Variants in AXDND1 observed in about 807,000 individuals in gnomAD.
AXDND1 encodes the protein axonemal dynein light chain domain-containing protein 1.
Under a neutral mutation model 137.5 loss-of-function variants are expected in AXDND1, and 110 were observed. That is an observed-to-expected ratio of 0.80 (90% CI 0.69 to 0.94). AXDND1 has a LOEUF of 0.94. Ranked by LOEUF, AXDND1 falls within the 40% of genes least tolerant of loss-of-function variation. The probability of loss-of-function intolerance (pLI) is 0.00; values close to 1 mark genes in which losing one functional copy is unlikely to be tolerated. For synonymous variants in AXDND1, 414 were observed against 399.7 expected, an observed-to-expected ratio of 1.04 and a Z score of -0.43; for missense variants, 1,191 against 1,169.8, an observed-to-expected ratio of 1.02 and a Z score of -0.26.
intron 16 of AXDND1, chr1:179,456,833 A>G (rs1661477774): frequency 5.0e-6 from 4 of 801,180 alleles, no homozygotes; most frequent in Admixed American, 1.7e-5. Context: ...GGCCATTCAC[A>G]GTATGCTATT....
At chr1:179,394,953 T>C (rs1431699321) in intron 10 of AXDND1, 145 bp from the exon 11 acceptor site, 3 of 574,580 alleles carry the variant, frequency 5.2e-6, no homozygotes, top group Admixed American at 6.2e-5. Flanking sequence ...ACTCAATTTC[T>C]TGATTTGGTT....
intron 9 of AXDND1, among the ~76,000 whole-genome samples, chr1:179,389,477 A>G (rs1649777333): frequency 6.6e-6 from 1 of 152,092 alleles, no homozygotes. Flanking sequence ...GAAAAAGAAG[A>G]TTTGTATGTG....
In AXDND1 at chr1:179,489,148, A is replaced by AGGGGCC. The variant is rs1361088148; in HGVS notation, c.2092-2390_2092-2389insGGGGCC. 1.6e-5 allele frequency among the ~76,000 whole-genome samples: 2 copies of AGGGGCC among 125,720 alleles called. 1 individual carries two copies. Among genetic ancestry groups the AGGGGCC allele is most frequent in the African/African-American group, 7.1e-5 (2 of 28,264 alleles). The allele number at this position is 125,720 out of a possible 152,430, so 82.5% of individuals were successfully genotyped here. A position where few individuals can be genotyped will look rare whatever the true frequency, so the allele number is the denominator to read the frequency against. On this transcript the variant is annotated intron_variant, in intron 18 of 25. Coordinates refer to ENST00000367618, the MANE Select transcript of AXDND1 (RefSeq NM_144696.6). ...AAAGAAAAGCAGTCAATTCATCTTA[A>AGGGGCC]AATGTCTTTTAAGAATTTTATATAA...
chr1:179,391,866 C>T (rs1401595574), intron 9 of AXDND1, among the ~76,000 whole-genome samples: 1 of 152,062 alleles, frequency 6.6e-6, no homozygotes, highest in African/African-American at 2.4e-5. Flanking sequence ...TAAAGGGCTT[C>T]TTCCTTTTCT....
At chr1:179,477,120 T>C (rs1042802499) in intron 17 of AXDND1, among the ~76,000 whole-genome samples, 1 of 152,184 alleles carries the variant, frequency 6.6e-6, no homozygotes, top group Non-Finnish European at 1.5e-5. Flanking sequence ...AATTTACTGT[T>C]GAGCCCTAGT....
At chr1:179,411,324 A>G (rs1472255603) in intron 12 of AXDND1, 58 bp downstream of exon 12, 1 of 1,553,228 alleles carries the variant, frequency 6.4e-7, no homozygotes, top group Non-Finnish European at 8.6e-7. Context: ...TTCATTCTAC[A>G]GTTTTAAAAT....
At chr1:179,431,730 C>T (rs12743018) in intron 14 of AXDND1, among the ~76,000 whole-genome samples, 31,289 of 151,980 alleles carry the variant, frequency 0.21, 3,420 homozygotes, top group Non-Finnish European at 0.24. Context: ...CTGCTCCTGC[C>T]GTGTACCCAT....
intron 17 of AXDND1, among the ~76,000 whole-genome samples, chr1:179,471,194 C>T (rs1474698788): frequency 6.6e-6 from 1 of 152,034 alleles, no homozygotes; most frequent in Non-Finnish European, 1.5e-5. Context: ...TTTTATTTTC[C>T]TGTGATGTCT....
At chr1:179,525,684 G>A (rs573836962) in intron 22 of AXDND1, among the ~76,000 whole-genome samples, 81 of 152,044 alleles carry the variant, frequency 5.3e-4, no homozygotes, top group African/African-American at 1.9e-3. Flanking sequence ...TTTTTTTATA[G>A]AGATGGGATC....
intron 4 of AXDND1, among the ~76,000 whole-genome samples, chr1:179,372,019 T>C (rs1668085279): frequency 6.6e-6 from 1 of 152,216 alleles, no homozygotes; most frequent in Admixed American, 6.5e-5. Context: ...CCTGTTGGAC[T>C]TCTGACCTAC....
In AXDND1 at chr1:179,394,062, T is replaced by A; in HGVS notation, c.1004+19T>A. The A allele has an allele frequency of 6.4e-7, 1 of 1,569,730 alleles. No homozygotes were observed. The highest frequency in any genetic ancestry group is 8.6e-7 in the Non-Finnish European group (1 of 1,160,844). On this transcript the variant is annotated intron_variant, in intron 10 of 25. Coordinates refer to ENST00000367618, the MANE Select transcript of AXDND1 (RefSeq NM_144696.6). ...TGACCAGGTAAAAACTGTGATTATC[T>A]TAAACACAAAACAAAAGTCAATGTC...
In AXDND1 at chr1:179,394,592, A is replaced by AAAAATAAAATAAAATAAAAT. The variant is rs71111984; in HGVS notation, c.1005-504_1005-485dup. ...GTGACGGAGCGAGACCCTGTCTCAGAAAAATAAAATAAAATAAAATACAGA... is the reference window on the plus strand; with the variant it reads ...GTGACGGAGCGAGACCCTGTCTCAGAAAAATAAAATAAAATAAAATAAAATAAAATAAAATAAAATACAGA... On this transcript the variant is annotated intron_variant, in intron 10 of 25. Transcript: ENST00000367618. Among the ~76,000 whole-genome samples, 31 of 135,774 alleles carry AAAAATAAAATAAAATAAAAT rather than the reference A, an allele frequency of 2.3e-4. 3 individuals are homozygous for AAAAATAAAATAAAATAAAAT. The highest frequency in any genetic ancestry group is 3.2e-4 in the Non-Finnish European group (20 of 61,824). 89.1% of individuals were successfully genotyped at this position (135,774 alleles called of 152,430 possible). A position where few individuals can be genotyped will look rare whatever the true frequency, so the allele number is the denominator to read the frequency against.
intron 15 of AXDND1, among the ~76,000 whole-genome samples, chr1:179,438,757 G>A (rs985851380): frequency 2.0e-5 from 3 of 152,200 alleles, no homozygotes; most frequent in Non-Finnish European, 4.4e-5. Context: ...GGCAAGATTT[G>A]CAGGTCAATT....
chr1:179,534,676 C>A (rs1447603801), intron 24 of AXDND1, 54 bp from the exon 25 acceptor site: 3 of 1,519,590 alleles, frequency 2.0e-6, no homozygotes, highest in Non-Finnish European at 2.6e-6. Flanking sequence ...GTTTCGAAAT[C>A]AAAAATACTT....
intron 25 of AXDND1, chr1:179,544,673 CAAAAAAA>C (rs35843095): frequency 9.0e-6 from 1 of 111,158 alleles, no homozygotes; most frequent in African/African-American, 3.6e-5. Flanking sequence ...GACTCCATCT[CAAAAAAA>C]AAAAAAAAAG....
intron 12 of AXDND1, among the ~76,000 whole-genome samples, chr1:179,422,164 T>G (rs867852964): frequency 8.5e-5 from 13 of 152,314 alleles, no homozygotes; most frequent in African/African-American, 2.4e-4. Context: ...ATTTTAGGTT[T>G]GGTTTGTTCT....
chr1:179,387,820 T>A, intron 9 of AXDND1, among the ~76,000 whole-genome samples: 1 of 152,220 alleles, frequency 6.6e-6, no homozygotes, highest in East Asian at 1.9e-4. Context: ...ACTACTTCTA[T>A]GCGAGTTCTG....
At chr1:179,492,312 T>A (rs71630227) in intron 19 of AXDND1, among the ~76,000 whole-genome samples, 30,079 of 151,930 alleles carry the variant, frequency 0.2, 3,152 homozygotes, top group Non-Finnish European at 0.23. Context: ...TGATCTCAAG[T>A]GATCTGCCCA....
At chr1:179,394,142 AG>A (rs1236064281) in intron 10 of AXDND1, 99 bp downstream of exon 10, 1 of 1,232,784 alleles carries the variant, frequency 8.1e-7, no homozygotes, top group African/African-American at 1.5e-5. Context: ...TTAAAGGCCA[AG>A]GTTCTTCTGT....
Sources: gnomAD v4.1 joint callset for allele counts (sites outside exome capture counted in the v4.1 genomes callset) on GRCh38, gnomAD v4.1.1 for gene constraint, MANE v1.5 for transcripts, NCBI Gene and HGNC (gene_info 2026-07-23, HGNC 2026-07-21) for gene names.